Variants in CPA6 observed in about 807,000 individuals in gnomAD.
The protein encoded by CPA6 is carboxypeptidase A6.
CPA6 carries 58 observed loss-of-function variants against 63.3 expected under a neutral mutation model. The observed-to-expected ratio is 0.92, with a 90% CI of 0.74 to 1.14. The LOEUF is 1.14. Ranked by LOEUF, CPA6 falls within the 50% of genes most tolerant of loss-of-function variation. The pLI, the probability that CPA6 is intolerant of heterozygous loss-of-function variation, is 0.00. For missense variants in CPA6, 565 were observed against 526.6 expected (o/e 1.07, Z -0.71); for synonymous variants, 185 against 179.0 (o/e 1.03, Z -0.27).
chr8:67,673,499 T>C (rs1816399140), intron 1 of CPA6, among the ~76,000 whole-genome samples: 1 of 150,938 alleles, frequency 6.6e-6, no homozygotes, highest in African/African-American at 2.4e-5. Flanking sequence ...TTCTCCTGCC[T>C]CAGCCTCCTG....
rs761779723 is a variant in CPA6, at chr8:67,559,888, C to CAT, written c.193-41843_193-41842dup. Among the ~76,000 whole-genome samples, 8 of 150,356 alleles carry CAT rather than the reference C, an allele frequency of 5.3e-5. No homozygotes were observed. The East Asian group carries it at 7.8e-4, about 15-fold the overall frequency. On this transcript the variant is annotated intron_variant, in intron 2 of 10. Transcript: ENST00000297770. ...ATATGTATACACACACACACACACA[C>CAT]ATATATATAGTGTTTTTATAAGAGA... is the stretch of plus-strand genomic sequence containing the variant.
intron 1 of CPA6, among the ~76,000 whole-genome samples, chr8:67,737,442 G>A (rs947732600): frequency 1.3e-5 from 2 of 151,922 alleles, no homozygotes; most frequent in African/African-American, 4.8e-5. Context: ...CCACTCAAAT[G>A]TGTTTTTTTT....
intron 1 of CPA6, among the ~76,000 whole-genome samples, chr8:67,736,455 A>G (rs1340571331): frequency 2.0e-5 from 3 of 152,216 alleles, no homozygotes; most frequent in Admixed American, 6.5e-5. Context: ...ATCATGAATG[A>G]TGTCCTGAAT....
Position 67,684,001 on chromosome 8 carries a change from G to GTATATATATA in CPA6, c.117-59760_117-59751dup, listed in dbSNP as rs3056573. 5.1e-3 allele frequency among the ~76,000 whole-genome samples: 600 copies of GTATATATATA among 116,934 alleles called. 4 individuals carry two copies. Among genetic ancestry groups the GTATATATATA allele is most frequent in the Non-Finnish European group, 7.2e-3 (415 of 57,538 alleles). 76.7% of individuals were successfully genotyped at this position (116,934 alleles called of 152,430 possible). A position where few individuals can be genotyped will look rare whatever the true frequency, so the allele number is the denominator to read the frequency against. On this transcript the variant is annotated intron_variant, in intron 1 of 10. Transcript: ENST00000297770. ...TGTTATGTCTGGCTGATTTTAAAAT[G>GTATATATATA]TATATATATATATATATATATATAT... is the stretch of plus-strand genomic sequence containing the variant.
At chr8:67,600,972 A>G (rs1814482001) in intron 2 of CPA6, among the ~76,000 whole-genome samples, 1 of 152,216 alleles carries the variant, frequency 6.6e-6, no homozygotes. Flanking sequence ...TATGGAGAAC[A>G]GCAAAGCTCT....
intron 6 of CPA6, among the ~76,000 whole-genome samples, chr8:67,494,326 T>A: frequency 6.6e-6 from 1 of 152,218 alleles, no homozygotes; most frequent in East Asian, 1.9e-4. Context: ...TCTTTGCTTT[T>A]ATGCTTGGAA....
At chr8:67,429,199 T>G (rs980413629) in intron 9 of CPA6, among the ~76,000 whole-genome samples, 4 of 152,124 alleles carry the variant, frequency 2.6e-5, no homozygotes, top group Admixed American at 2.0e-4. Flanking sequence ...TTCCTAAGAA[T>G]GGCAAAAATT....
chr8:67,739,360 G>GT (rs1413764377), intron 1 of CPA6, among the ~76,000 whole-genome samples: 2 of 152,202 alleles, frequency 1.3e-5, no homozygotes, highest in African/African-American at 2.4e-5. Flanking sequence ...AGTGCATAAG[G>GT]AAAACTAAAA....
chr8:67,617,031 C>A (rs1814972494), intron 2 of CPA6, among the ~76,000 whole-genome samples: 1 of 152,168 alleles, frequency 6.6e-6, no homozygotes. Context: ...TAATGTTTAA[C>A]AATTAGTCTC....
intron 1 of CPA6, among the ~76,000 whole-genome samples, chr8:67,649,219 T>C (rs932353914): frequency 1.3e-5 from 2 of 152,216 alleles, no homozygotes; most frequent in Non-Finnish European, 2.9e-5. Flanking sequence ...GTCTAGAATT[T>C]ATTTCAAATG....
intron 8 of CPA6, among the ~76,000 whole-genome samples, chr8:67,448,653 AAGGAAAGAACG>A (rs1396348301): frequency 6.8e-6 from 1 of 146,382 alleles, no homozygotes; most frequent in African/African-American, 2.6e-5. Flanking sequence ...AAAAAAAAAA[AAGGAAAGAACG>A]AAAAAGAAAA....
Position 67,680,205 on chromosome 8 carries a change from C to T in CPA6, c.117-55954G>A, listed in dbSNP as rs775170043. Among the ~76,000 whole-genome samples, 70 of 152,148 alleles carry T rather than the reference C, an allele frequency of 4.6e-4. 1 individual carries two copies. The highest frequency in any genetic ancestry group is 2.1e-4 in the South Asian group (1 of 4,826). On this transcript the variant is annotated intron_variant, in intron 1 of 10. Coordinates refer to ENST00000297770, the MANE Select transcript of CPA6 (RefSeq NM_020361.5). ...TACTACTTCCAAGGCAATGAAGTAA[C>T]TGTATAAGCTTTTCAGCTTGGCTTA...
chr8:67,727,298 T>C (rs1353498332), intron 1 of CPA6, among the ~76,000 whole-genome samples: 1 of 152,150 alleles, frequency 6.6e-6, no homozygotes, highest in African/African-American at 2.4e-5. Context: ...CATTTTTTAT[T>C]GTATTGTTGG....
At chr8:67,665,544 A>G (rs908959573) in intron 1 of CPA6, among the ~76,000 whole-genome samples, 1 of 152,224 alleles carries the variant, frequency 6.6e-6, no homozygotes, top group African/African-American at 2.4e-5. Flanking sequence ...AAACCTCTTC[A>G]AGTTGATCAT....
intron 2 of CPA6, among the ~76,000 whole-genome samples, chr8:67,529,290 A>G (rs1168161486): frequency 6.6e-6 from 1 of 152,170 alleles, no homozygotes; most frequent in Non-Finnish European, 1.5e-5. Context: ...ATGTAAAGAT[A>G]AAAAGCAAAT....
chr8:67,567,236 G>A (rs1326316782), intron 2 of CPA6, among the ~76,000 whole-genome samples: 4 of 152,160 alleles, frequency 2.6e-5, no homozygotes, highest in Non-Finnish European at 5.9e-5. Flanking sequence ...AGATACATGG[G>A]CCTGGCCAGG....
At chr8:67,590,299 T>C (rs1203925442) in intron 2 of CPA6, among the ~76,000 whole-genome samples, 1 of 151,610 alleles carries the variant, frequency 6.6e-6, no homozygotes, top group Non-Finnish European at 1.5e-5. Flanking sequence ...TTGTTGGACA[T>C]TTGGCTTGGT....
chr8:67,571,363 A>G (rs186295974), intron 2 of CPA6, among the ~76,000 whole-genome samples: 41 of 152,370 alleles, frequency 2.7e-4, no homozygotes, highest in Non-Finnish European at 4.7e-4. Flanking sequence ...ACTAACAGAC[A>G]TATGCAGAAC....
At chr8:67,723,608 TA>T (rs956581560) in intron 1 of CPA6, among the ~76,000 whole-genome samples, 1 of 152,228 alleles carries the variant, frequency 6.6e-6, no homozygotes, top group Non-Finnish European at 1.5e-5. Flanking sequence ...TGGGAAAAAT[TA>T]AAACACTTAA....
Sources: gnomAD v4.1 joint callset for allele counts (sites outside exome capture counted in the v4.1 genomes callset) on GRCh38, gnomAD v4.1.1 for gene constraint, MANE v1.5 for transcripts, NCBI Gene and HGNC (gene_info 2026-07-23, HGNC 2026-07-21) for gene names.